NIBAN1: variants seen among roughly 807,000 people sequenced by gnomAD.
The protein encoded by NIBAN1 is protein Niban 1.
NIBAN1 carries 81 observed loss-of-function variants against 75.1 expected under a neutral mutation model. The ratio of observed to expected loss-of-function variants is 1.08; its 90% CI spans 0.90 to 1.30. The LOEUF (loss-of-function observed/expected upper bound fraction) is 1.30. Ranked by LOEUF, NIBAN1 falls within the 50% of genes most tolerant of loss-of-function variation. The probability of loss-of-function intolerance (pLI) is 0.00; values close to 1 mark genes in which losing one functional copy is unlikely to be tolerated. For missense variants in NIBAN1, 1,133 were observed against 1,128.1 expected, an observed-to-expected ratio of 1.00 and a Z score of -0.06; for synonymous variants, 436 against 424.8, an observed-to-expected ratio of 1.03 and a Z score of -0.32.
At chr1:184,908,330 C>G (rs1186535181) in intron 1 of NIBAN1, among the ~76,000 whole-genome samples, 1 of 152,170 alleles carries the variant, frequency 6.6e-6, no homozygotes, top group East Asian at 1.9e-4. Context: ...ATATTGTTTT[C>G]TGCAAATGAC....
At chr1:184,824,315 G>A (rs12564543) in intron 6 of NIBAN1, among the ~76,000 whole-genome samples, 4,022 of 152,172 alleles carry the variant, frequency 0.026, 143 homozygotes, top group African/African-American at 0.081. Context: ...CGTCTAGACC[G>A]ACCAGAGCCC....
At chr1:184,865,033 G>T (rs982096490) in intron 5 of NIBAN1, among the ~76,000 whole-genome samples, 3 of 147,430 alleles carry the variant, frequency 2.0e-5, no homozygotes, top group Admixed American at 2.0e-4. Context: ...AATCATCAGA[G>T]AAATGCAAAT....
At chr1:184,851,789 G>A (rs1655543763) in intron 5 of NIBAN1, among the ~76,000 whole-genome samples, 1 of 151,792 alleles carries the variant, frequency 6.6e-6, no homozygotes, top group Non-Finnish European at 1.5e-5. Flanking sequence ...CAAAGTTTAT[G>A]AAATGTTACA....
chr1:184,800,097 G>T (rs1319370550), intron 12 of NIBAN1, among the ~76,000 whole-genome samples: 44 of 142,180 alleles, frequency 3.1e-4, no homozygotes, highest in Non-Finnish European at 5.6e-4. Context: ...GTTTTGATTT[G>T]CATTTCTCTG....
chr1:184,856,975 G>A (rs564572985), intron 5 of NIBAN1, among the ~76,000 whole-genome samples: 57 of 152,252 alleles, frequency 3.7e-4, no homozygotes, highest in African/African-American at 1.4e-3. Context: ...GGTTCTCAAG[G>A]CAAAGGAAGA....
At chr1:184,955,499 C>T (rs753825430) in intron 1 of NIBAN1, among the ~76,000 whole-genome samples, 12 of 152,012 alleles carry the variant, frequency 7.9e-5, no homozygotes, top group Non-Finnish European at 1.3e-4. Context: ...CCACCACGCC[C>T]GGCTAAATTT....
rs552160243 is a variant in NIBAN1 at position 184,927,852 on chromosome 1, C to G, written c.56-28543G>C. On this transcript the variant is annotated intron_variant, in intron 1 of 13. Coordinates refer to ENST00000367511, the MANE Select transcript of NIBAN1 (RefSeq NM_052966.4). Reference sequence around the variant, plus strand: ...GGTGCTCTATTCTACTGCAGCTGAGCTGGCACCCAAGCCACAAGACCAAAT... The same window carrying G: ...GGTGCTCTATTCTACTGCAGCTGAGGTGGCACCCAAGCCACAAGACCAAAT... 8.5e-5 allele frequency among the ~76,000 whole-genome samples: 13 copies of G among 152,102 alleles called. No individual in the cohort carries two copies. The East Asian group carries it at 2.5e-3, about 30-fold the overall frequency.
At chr1:184,936,754 T>C (rs1230912423) in intron 1 of NIBAN1, among the ~76,000 whole-genome samples, 1 of 152,216 alleles carries the variant, frequency 6.6e-6, no homozygotes, top group Non-Finnish European at 1.5e-5. Flanking sequence ...TATAAAGATA[T>C]ATGTGATTGC....
chr1:184,920,043 G>A (rs144688317), intron 1 of NIBAN1, among the ~76,000 whole-genome samples: 56 of 152,172 alleles, frequency 3.7e-4, no homozygotes, highest in African/African-American at 1.2e-3. Context: ...TCAGGGAAAT[G>A]AATGGACAGG....
chr1:184,796,823 A>G (rs1452520822), intron 13 of NIBAN1, among the ~76,000 whole-genome samples: 1 of 152,216 alleles, frequency 6.6e-6, no homozygotes, highest in African/African-American at 2.4e-5. Flanking sequence ...TCCTTCTCTA[A>G]CAAAATCAAT....
At chr1:184,973,728 C>T (rs1392582446) in intron 1 of NIBAN1, among the ~76,000 whole-genome samples, 1 of 152,230 alleles carries the variant, frequency 6.6e-6, no homozygotes, top group Non-Finnish European at 1.5e-5. Flanking sequence ...TCCTCTTTTG[C>T]TTCGCCCCTC....
intron 1 of NIBAN1, among the ~76,000 whole-genome samples, chr1:184,913,152 T>TA (rs1485976007): frequency 4.0e-5 from 6 of 149,060 alleles, no homozygotes; most frequent in African/African-American, 1.5e-4. Flanking sequence ...TATATATATA[T>TA]ATTATATATA....
At chr1:184,958,473 A>C (rs1658547625) in intron 1 of NIBAN1, among the ~76,000 whole-genome samples, 1 of 152,194 alleles carries the variant, frequency 6.6e-6, no homozygotes, top group African/African-American at 2.4e-5. Flanking sequence ...AGCTCATTTA[A>C]GGTAGCTAAA....
At chr1:184,935,408 C>T (rs1308554196) in intron 1 of NIBAN1, among the ~76,000 whole-genome samples, 1 of 151,860 alleles carries the variant, frequency 6.6e-6, no homozygotes, top group Non-Finnish European at 1.5e-5. Flanking sequence ...CTCAGAAGGC[C>T]AAGGTGCGAA....
intron 1 of NIBAN1, among the ~76,000 whole-genome samples, chr1:184,918,449 G>T (rs1196811274): frequency 6.6e-6 from 1 of 152,128 alleles, no homozygotes; most frequent in East Asian, 1.9e-4. Flanking sequence ...CTCTTCTCAA[G>T]TTGGTCCCAA....
At chr1:184,875,801 A>G (rs536671931) in intron 5 of NIBAN1, among the ~76,000 whole-genome samples, 13 of 152,362 alleles carry the variant, frequency 8.5e-5, no homozygotes, top group African/African-American at 3.1e-4. Flanking sequence ...GAAGAAAGAC[A>G]ATTTTTAAAA....
chr1:184,900,801 C>G (rs193180405), intron 1 of NIBAN1, among the ~76,000 whole-genome samples: 85 of 152,222 alleles, frequency 5.6e-4, no homozygotes, highest in Non-Finnish European at 1.0e-3. Flanking sequence ...TGATTGTGCT[C>G]GTAAGCGATG....
chr1:184,853,560 T>C (rs1229930035), intron 5 of NIBAN1, among the ~76,000 whole-genome samples: 1 of 152,248 alleles, frequency 6.6e-6, no homozygotes, highest in East Asian at 1.9e-4. Flanking sequence ...AAGAACTAAC[T>C]TGTGCTCAGC....
chr1:184,833,397 C>T (rs1655049769), intron 5 of NIBAN1, among the ~76,000 whole-genome samples: 1 of 151,800 alleles, frequency 6.6e-6, no homozygotes, highest in Admixed American at 6.6e-5. Flanking sequence ...CCATTCGAAG[C>T]TGCATTTTAA....
Sources: allele counts gnomAD v4.1 joint callset (sites outside exome capture counted in the v4.1 genomes callset), GRCh38; gene constraint gnomAD v4.1.1; transcripts MANE v1.5; gene names NCBI Gene and HGNC (gene_info 2026-07-23, HGNC 2026-07-21).